The following ICA1L variants were observed in gnomAD, a reference collection of about 807,000 sequenced individuals.
The protein encoded by ICA1L is islet cell autoantigen 1-like protein.
In ICA1L, 50 loss-of-function variants were observed where a neutral mutation model predicts 61.3. The ratio of observed to expected loss-of-function variants is 0.82; its 90% CI spans 0.65 to 1.03. The LOEUF (loss-of-function observed/expected upper bound fraction) is 1.03. Among genes scored for constraint, ICA1L ranks in the 50% least tolerant of loss-of-function variants. The pLI is 0.00. For synonymous variants in ICA1L, 161 were observed against 191.3 expected, an observed-to-expected ratio of 0.84 and a Z score of 1.31; for missense variants, 508 against 556.7, an observed-to-expected ratio of 0.91 and a Z score of 0.88.
intron 1 of ICA1L, chr2:202,841,632 G>A (rs1257946136): frequency 6.5e-6 from 4 of 620,154 alleles, no homozygotes; most frequent in African/African-American, 1.8e-5. Flanking sequence ...AGGACACCCC[G>A]AAAGATGCTG....
chr2:202,797,446 A>G (rs886320364), intron 9 of ICA1L, among the ~76,000 whole-genome samples: 2 of 152,210 alleles, frequency 1.3e-5, no homozygotes, highest in African/African-American at 4.8e-5. Context: ...TGTTGTTTTG[A>G]TATATGTAAT....
At chr2:202,792,986 T>A (rs988792781) in intron 10 of ICA1L, among the ~76,000 whole-genome samples, 6 of 152,226 alleles carry the variant, frequency 3.9e-5, no homozygotes, top group African/African-American at 1.4e-4. Context: ...ACCTACGGCT[T>A]GGAGTGAATC....
chr2:202,840,170 G>A (rs945503372), intron 1 of ICA1L, among the ~76,000 whole-genome samples: 1 of 148,246 alleles, frequency 6.7e-6, no homozygotes, highest in Non-Finnish European at 1.5e-5. Flanking sequence ...GAATGGGCAA[G>A]GGGGATCCCC....
chr2:202,836,818 T>TATAGATATATATATAGATATATAG (rs2076909520), intron 1 of ICA1L, among the ~76,000 whole-genome samples: 5 of 148,686 alleles, frequency 3.4e-5, no homozygotes, highest in Admixed American at 2.7e-4. Flanking sequence ...TATATATAGA[T>TATAGATATATATATAGATATATAG]ATATAGATAT....
intron 5 of ICA1L, 164 bp downstream of exon 5, chr2:202,819,537 A>C (rs1019720275): frequency 3.3e-6 from 2 of 609,964 alleles, no homozygotes; most frequent in Admixed American, 6.0e-5. Flanking sequence ...GTAAAAATAA[A>C]AGTGTGACAA....
At chr2:202,806,127 G>A (rs533316773) in intron 9 of ICA1L, among the ~76,000 whole-genome samples, 1 of 152,214 alleles carries the variant, frequency 6.6e-6, no homozygotes, top group East Asian at 1.9e-4. Flanking sequence ...AGCCAGCCAA[G>A]GAAGTGCTTA....
intron 1 of ICA1L, among the ~76,000 whole-genome samples, chr2:202,843,407 G>A (rs568134485): frequency 1.3e-5 from 2 of 152,282 alleles, no homozygotes; most frequent in African/African-American, 2.4e-5. Flanking sequence ...AGCAACCAAC[G>A]TTCTGAGTTT....
Position 202,841,837 on chromosome 2 carries a change from G to A in ICA1L, c.-7-12821C>T, listed in dbSNP as rs189765889. 96 of 288,960 alleles carry A rather than the reference G, an allele frequency of 3.3e-4. 1 individual carries two copies. The highest frequency in any genetic ancestry group is 1.6e-3 in the East Asian group (18 of 11,480). 17.9% of individuals were successfully genotyped at this position (288,960 alleles called of 1,614,324 possible). On this transcript the variant is annotated intron_variant, in intron 1 of 12. Transcript: ENST00000358299. Reference sequence around the variant, plus strand: ...GAACCAGATGGAGATCCCAGAAGGAGCAGGGAAGCTGCTTCTTGGTCTATT... The same window carrying A: ...GAACCAGATGGAGATCCCAGAAGGAACAGGGAAGCTGCTTCTTGGTCTATT...
Position 202,788,842 on chromosome 2 carries a change from C to T in ICA1L, c.1231G>A (p.Gly411Arg), listed in dbSNP as rs1372541468. 3 of 1,614,000 alleles carry T rather than the reference C, an allele frequency of 1.9e-6. No homozygotes were observed. In the Admixed American group the frequency reaches 5.0e-5, roughly 27 times the overall value. ...CATAGACACTTACTGTTGAACGCTC[C>T]AGCCACATGAAAGCCAAGGTCAAAG... The part of the protein sequence containing the change: ...QLFDLGFHVA[G>R]AFNNWVSQEE... The change falls in exon 11 of 13, where the codon GGA becomes AGA. Residue 411 changes from glycine (G) to arginine (R), a missense_variant. Transcript: ENST00000358299.
chr2:202,782,734 G>C (rs140416876), intron 12 of ICA1L, among the ~76,000 whole-genome samples: 19 of 151,928 alleles, frequency 1.3e-4, no homozygotes, highest in African/African-American at 4.6e-4. Flanking sequence ...TAGTTTTGTT[G>C]TACCTTCTTG....
Position 202,779,771 on chromosome 2 carries a change from A to ATAATC in ICA1L, c.1334-128_1334-124dup, listed in dbSNP as rs576522265. ...TAAGAAAAAATTAAGATAACTGACA[A>ATAATC]TAATCTATCAACTATAGTCCCTTTA... On this transcript the variant is annotated intron_variant, in intron 12 of 12. Coordinates refer to ENST00000358299, the MANE Select transcript of ICA1L (RefSeq NM_001288622.3). 1.1e-3 allele frequency: 660 copies of ATAATC among 610,400 alleles called. 7 individuals carry two copies. The Admixed American group carries it at 0.016, about 15-fold the overall frequency. 37.8% of individuals were successfully genotyped at this position (610,400 alleles called of 1,614,324 possible).
At position 202,785,972 on chromosome 2, in the gene ICA1L, A is replaced by C; in HGVS notation, c.1279T>G (p.Ser427Ala). The C allele has an allele frequency of 6.2e-7, 1 of 1,610,408 alleles. No homozygotes were observed. The highest frequency in any genetic ancestry group is 8.5e-7 in the Non-Finnish European group (1 of 1,177,228). The change falls in exon 12 of 13, where the codon TCA becomes GCA. Residue 427 changes from serine to alanine, a missense_variant. Coordinates refer to ENST00000358299, the MANE Select transcript of ICA1L (RefSeq NM_001288622.3). ...GGCACTGGCTGGTTATCAGTGTGTG[A>C]AAGACAAAGTTCTGATTCCTCTTGG... ...VSQEESELCL[S>A]HTDNQPVPSQ...
At chr2:202,825,902 T>C in intron 2 of ICA1L, 135 bp from the exon 3 acceptor site, 1 of 519,400 alleles carries the variant, frequency 1.9e-6, no homozygotes, top group Non-Finnish European at 3.2e-6. Flanking sequence ...TTCTTGGCTA[T>C]GACATGCTTC....
At chr2:202,807,062 G>C (rs989619419) in intron 9 of ICA1L, among the ~76,000 whole-genome samples, 1 of 152,154 alleles carries the variant, frequency 6.6e-6, no homozygotes, top group African/African-American at 2.4e-5. Context: ...TGGCTTAATA[G>C]AACTCTCCAG....
At chr2:202,864,307 A>C (rs1482967688) in intron 1 of ICA1L, among the ~76,000 whole-genome samples, 2 of 151,800 alleles carry the variant, frequency 1.3e-5, no homozygotes, top group African/African-American at 4.8e-5. Context: ...GCAGTGGCGC[A>C]ATCTCGGCTC....
chr2:202,847,713 A>ATATATAT (rs1242055604), intron 1 of ICA1L, among the ~76,000 whole-genome samples: 2 of 147,492 alleles, frequency 1.4e-5, no homozygotes, highest in African/African-American at 5.0e-5. Flanking sequence ...ATATATAGTT[A>ATATATAT]AGCAGTGAGA....
chr2:202,788,186 G>C (rs1233878303), intron 11 of ICA1L, among the ~76,000 whole-genome samples: 1 of 152,224 alleles, frequency 6.6e-6, no homozygotes, highest in Non-Finnish European at 1.5e-5. Flanking sequence ...GCTGCTTGAA[G>C]AGAGAATTCC....
Position 202,849,676 on chromosome 2 carries a change from T to TG in ICA1L, c.-7-20661dup, listed in dbSNP as rs1694561965. Reference sequence around the variant, plus strand: ...TCCCATCTCCCTAGGACAGAGCACCTGGGGGAAGGGGCAACTGTGGGCACA... The same window carrying TG: ...TCCCATCTCCCTAGGACAGAGCACCTGGGGGGAAGGGGCAACTGTGGGCACA... On this transcript the variant is annotated intron_variant, in intron 1 of 12. Transcript: ENST00000358299. The surrounding 1 kb of genome is among the most constrained non-coding windows in gnomAD (Gnocchi z 4.5). Among the ~76,000 whole-genome samples the TG allele has an allele frequency of 6.6e-6, 1 of 152,150 alleles. No individual in the cohort carries two copies. Among genetic ancestry groups the TG allele is most frequent in the South Asian group, 2.1e-4 (1 of 4,828 alleles).
intron 1 of ICA1L, among the ~76,000 whole-genome samples, chr2:202,868,688 C>T (rs774241780): frequency 6.6e-6 from 1 of 152,074 alleles, no homozygotes; most frequent in Non-Finnish European, 1.5e-5. Flanking sequence ...CAATTAAGGC[C>T]GGGCGCGGTG....
Sources: gnomAD v4.1 joint callset for allele counts (sites outside exome capture counted in the v4.1 genomes callset) on GRCh38, gnomAD v4.1.1 for gene constraint, Gnocchi (gnomAD v3.1) non-coding constraint, MANE v1.5 for transcripts, NCBI Gene and HGNC (gene_info 2026-07-23, HGNC 2026-07-21) for gene names.